CCDC141: variants seen among roughly 807,000 people sequenced by gnomAD.
The protein encoded by CCDC141 is coiled-coil domain containing 141.
A neutral mutation model predicts 181.0 loss-of-function variants in CCDC141; 168 were observed. That is an observed-to-expected ratio of 0.93 (90% CI 0.82 to 1.05). The LOEUF is 1.05. Ranked by LOEUF, CCDC141 falls within the 50% of genes least tolerant of loss-of-function variation. The pLI is 0.00. For missense variants in CCDC141, 1,902 were observed against 1,788.5 expected (o/e 1.06, Z -1.14); for synonymous variants, 666 against 642.3 (o/e 1.04, Z -0.56).
chr2:178,990,587 A>AT (rs1692005005), intron 2 of CCDC141, among the ~76,000 whole-genome samples: 1 of 25,794 alleles, frequency 3.9e-5, no homozygotes, highest in Non-Finnish European at 6.5e-5. Context: ...AGGGGAGTGG[A>AT]GGGGAGGGGA....
chr2:179,037,985 C>T (rs1463893007), intron 2 of CCDC141, among the ~76,000 whole-genome samples: 1 of 152,138 alleles, frequency 6.6e-6, no homozygotes, highest in Non-Finnish European at 1.5e-5. Flanking sequence ...ATACCCAGCA[C>T]AGGACCCAGC....
chr2:178,862,576 G>T (rs1685668180), intron 17 of CCDC141, among the ~76,000 whole-genome samples: 1 of 152,088 alleles, frequency 6.6e-6, no homozygotes, highest in African/African-American at 2.4e-5. Context: ...AGTCAGGCAA[G>T]AAAAAATATG....
rs200027744 is a variant in CCDC141 at position 178,972,077 on chromosome 2, T to TA, written c.526+2979dup. Among the ~76,000 whole-genome samples the TA allele has an allele frequency of 2.0e-3, 307 of 150,392 alleles. 5 individuals carry two copies. In the South Asian group the frequency reaches 0.023, roughly 11 times the overall value. On this transcript the variant is annotated intron_variant, in intron 4 of 23. Coordinates refer to ENST00000443758, the MANE Select transcript of CCDC141 (RefSeq NM_173648.4). ...ACCCCAGAACTTAAAATATATAATT[T>TA]AAAAAAAAACCTAAATAAAAATAAA...
intron 8 of CCDC141, among the ~76,000 whole-genome samples, chr2:178,898,266 A>G (rs2154372035): frequency 6.6e-6 from 1 of 152,222 alleles, no homozygotes; most frequent in East Asian, 1.9e-4. Flanking sequence ...CTTTTTTCAC[A>G]CATACCTGGT....
intron 2 of CCDC141, among the ~76,000 whole-genome samples, chr2:179,025,840 T>C (rs574780511): frequency 1.3e-5 from 2 of 152,316 alleles, no homozygotes; most frequent in South Asian, 2.1e-4. Flanking sequence ...AAGTCCAGGC[T>C]GAGGTGGTCT....
At chr2:178,966,449 GC>G (rs1484107381) in intron 4 of CCDC141, among the ~76,000 whole-genome samples, 2 of 152,166 alleles carry the variant, frequency 1.3e-5, no homozygotes, top group Admixed American at 1.3e-4. Flanking sequence ...CTGTTCTGCA[GC>G]CTCCACTGGT....
chr2:179,030,952 A>G (rs560556087), intron 2 of CCDC141, among the ~76,000 whole-genome samples: 4 of 152,196 alleles, frequency 2.6e-5, no homozygotes, highest in African/African-American at 4.8e-5. Flanking sequence ...AAAAAAATGA[A>G]CTATTTTCAT....
At chr2:178,986,809 A>C (rs1319124674) in intron 2 of CCDC141, among the ~76,000 whole-genome samples, 1 of 151,882 alleles carries the variant, frequency 6.6e-6, no homozygotes, top group Non-Finnish European at 1.5e-5. Context: ...TGCTCAAGGA[A>C]ATAAAAGAGG....
intron 2 of CCDC141, among the ~76,000 whole-genome samples, chr2:178,990,328 C>G (rs1691988894): frequency 6.6e-6 from 1 of 151,684 alleles, no homozygotes; most frequent in Non-Finnish European, 1.5e-5. Flanking sequence ...AAATTATGCT[C>G]CTAGGCATAT....
the CCDC141 span, among the ~76,000 whole-genome samples, chr2:178,815,524 C>T: frequency 6.6e-6 from 1 of 152,146 alleles, no homozygotes; most frequent in South Asian, 2.1e-4. Flanking sequence ...CTCCCTCCAT[C>T]TCTGCTGATA....
chr2:178,845,717 G>A lies in CCDC141; in HGVS notation c.3383C>T (p.Pro1128Leu), dbSNP rs189095352. 44 of 1,610,538 alleles carry A rather than the reference G, an allele frequency of 2.7e-5. No homozygotes were observed. The highest frequency in any genetic ancestry group is 1.2e-4 in the African/African-American group (9 of 74,924). ...LKQGDVLKMN[P>L]NLEDFHYDYI... The stretch of plus-strand genomic sequence containing the variant: ...ATCATAATGGAAGTCTTCCAAATTC[G>A]GATTCATCTTTAAAACATCTCCCTG... Residue 1128 changes from proline to leucine, a missense_variant, in exon 22 of 24, where the codon CCG becomes CTG. By Grantham distance (98) the Pro-to-Leu change is moderately conservative (BLOSUM62 -3). Coordinates refer to ENST00000443758, the MANE Select transcript of CCDC141 (RefSeq NM_173648.4).
chr2:178,914,222 T>C (rs1688344247), intron 7 of CCDC141, among the ~76,000 whole-genome samples: 1 of 152,066 alleles, frequency 6.6e-6, no homozygotes, highest in Non-Finnish European at 1.5e-5. Context: ...CATCTGATAA[T>C]TAGAGGAACT....
chr2:178,914,084 C>T (rs899359965), intron 7 of CCDC141, among the ~76,000 whole-genome samples: 1 of 152,100 alleles, frequency 6.6e-6, no homozygotes, highest in Admixed American at 6.5e-5. Context: ...TTTCTGTGAA[C>T]ACACTAGAAG....
At chr2:179,019,149 A>G (rs989791107) in intron 2 of CCDC141, among the ~76,000 whole-genome samples, 1 of 152,062 alleles carries the variant, frequency 6.6e-6, no homozygotes, top group African/African-American at 2.4e-5. Flanking sequence ...CAGCAAGCCA[A>G]TATTATATTA....
chr2:179,015,226 T>TCTCATATAC (rs202150994), intron 2 of CCDC141, among the ~76,000 whole-genome samples: 1 of 61,178 alleles, frequency 1.6e-5, no homozygotes, highest in Non-Finnish European at 3.4e-5. Context: ...ATCTCATATA[T>TCTCATATAC]ACCTCATATA....
Position 178,834,220 on chromosome 2 carries a change from C to A in CCDC141, c.4546G>T (p.Val1516Phe). ...ITRVNWITLC[V>F]VYVSVSLMYW... ...ATTAGGGACACACTAACATAGACGA[C>A]ACACAGGGTTATCCAGTTTACTCTT... Residue 1516 changes from valine to phenylalanine, a missense_variant, in exon 24 of 24, where the codon GTC becomes TTC. Physicochemically the swap from Val to Phe is conservative, Grantham distance 50 (BLOSUM62 -1). Coordinates refer to ENST00000443758, the MANE Select transcript of CCDC141 (RefSeq NM_173648.4). 3 of 1,536,292 alleles carry A rather than the reference C, an allele frequency of 2.0e-6. No homozygotes were observed. In the South Asian group the frequency reaches 3.6e-5, roughly 18 times the overall value.
intron 23 of CCDC141, 104 bp from the exon 24 acceptor site, chr2:178,834,544 T>C: frequency 7.9e-7 from 1 of 1,272,300 alleles, no homozygotes; most frequent in Non-Finnish European, 1.1e-6. Context: ...TGCAATATTC[T>C]CTTAGGATTA....
intron 2 of CCDC141, among the ~76,000 whole-genome samples, chr2:179,042,391 A>G (rs1231109693): frequency 6.6e-6 from 1 of 152,208 alleles, no homozygotes; most frequent in African/African-American, 2.4e-5. Context: ...TCTGTCGCCC[A>G]GGCTGGAGTG....
At chr2:178,891,172 T>C (rs1436562211) in intron 8 of CCDC141, among the ~76,000 whole-genome samples, 1 of 151,818 alleles carries the variant, frequency 6.6e-6, no homozygotes, top group Non-Finnish European at 1.5e-5. Flanking sequence ...CAGATTACAT[T>C]GGTTTAGTTT....
Sources: allele counts gnomAD v4.1 joint callset (sites outside exome capture counted in the v4.1 genomes callset), GRCh38; gene constraint gnomAD v4.1.1; transcripts MANE v1.5; gene names NCBI Gene and HGNC (gene_info 2026-07-23, HGNC 2026-07-21).